MKLN1: variants seen among roughly 807,000 people sequenced by gnomAD.
MKLN1 encodes the protein muskelin 1.
In MKLN1, 18 loss-of-function variants were observed where a neutral mutation model predicts 99.0. That is an observed-to-expected ratio of 0.18 (90% CI 0.13 to 0.27). MKLN1 has a LOEUF of 0.27. Among genes scored for constraint, MKLN1 ranks in the 10% least tolerant of loss-of-function variants. The pLI, the probability that MKLN1 is intolerant of heterozygous loss-of-function variation, is 1.00. For missense variants in MKLN1, 621 were observed against 875.9 expected, an observed-to-expected ratio of 0.71 and a Z score of 3.67; for synonymous variants, 288 against 293.2, an observed-to-expected ratio of 0.98 and a Z score of 0.18.
At chr7:131,137,041 C>CG (rs955387118) in intron 1 of MKLN1, among the ~76,000 whole-genome samples, 2 of 152,112 alleles carry the variant, frequency 1.3e-5, no homozygotes, top group Non-Finnish European at 2.9e-5. Flanking sequence ...CACCCAGCTA[C>CG]GGGGTCTCCC....
chr7:131,175,440 C>G (rs1374015349), intron 2 of MKLN1, among the ~76,000 whole-genome samples: 1 of 152,174 alleles, frequency 6.6e-6, no homozygotes, highest in African/African-American at 2.4e-5. Flanking sequence ...AATCCCACAA[C>G]ATTTTTTAAA....
chr7:131,464,447 T>C, intron 14 of MKLN1, 39 bp downstream of exon 14: 1 of 1,228,570 alleles, frequency 8.1e-7, no homozygotes, highest in South Asian at 1.3e-5. Context: ...TTCCATGGCC[T>C]ACTATCTGAA....
chr7:131,413,013 G>A (rs1280833813), intron 7 of MKLN1, among the ~76,000 whole-genome samples: 1 of 152,128 alleles, frequency 6.6e-6, no homozygotes, highest in Non-Finnish European at 1.5e-5. Flanking sequence ...TTGTGTATTT[G>A]CAAACTAATG....
intron 1 of MKLN1, among the ~76,000 whole-genome samples, chr7:131,369,098 C>T (rs1800268944): frequency 1.3e-5 from 2 of 151,870 alleles, no homozygotes; most frequent in African/African-American, 2.4e-5. Flanking sequence ...TAGTAGAAAT[C>T]CCTTTAAGTG....
At chr7:131,312,631 C>T (rs1798587143) in intron 3 of MKLN1, among the ~76,000 whole-genome samples, 1 of 152,006 alleles carries the variant, frequency 6.6e-6, no homozygotes, top group African/African-American at 2.4e-5. Context: ...ATTTACTATC[C>T]CCCTTATCAT....
intron 2 of MKLN1, among the ~76,000 whole-genome samples, chr7:131,200,524 T>C (rs774395049): frequency 2.0e-5 from 3 of 152,356 alleles, no homozygotes; most frequent in Non-Finnish European, 4.4e-5. Context: ...TGACTAATGC[T>C]AATACAAAAT....
intron 2 of MKLN1, among the ~76,000 whole-genome samples, chr7:131,195,405 G>A (rs1421148343): frequency 6.6e-6 from 1 of 151,962 alleles, no homozygotes; most frequent in Non-Finnish European, 1.5e-5. Context: ...CAGCTACTCA[G>A]GAGGCTGAGG....
chr7:131,396,551 G>T (rs891035344), intron 4 of MKLN1, among the ~76,000 whole-genome samples: 1 of 152,044 alleles, frequency 6.6e-6, no homozygotes, highest in Non-Finnish European at 1.5e-5. Context: ...TTCCCAGTAG[G>T]TTTAATTTTT....
At position 131,411,316 on chromosome 7, in the gene MKLN1, C is replaced by A; in HGVS notation, c.714C>A (p.Phe238Leu). Residue 238 changes from phenylalanine to leucine, a missense_variant, in exon 7 of 18, where the codon TTC (phenylalanine) becomes TTA (leucine). Coordinates refer to ENST00000352689, the MANE Select transcript of MKLN1 (RefSeq NM_013255.5). Reference protein sequence around the residue: ...LIEKAVNDGLFNQYISQQEYK... With the variant: ...LIEKAVNDGLLNQYISQQEYK... ...CTTCAATATTTGCAGATGGCTTGTT[C>A]AATCAGTATATCAGTCAACAGGAAT... 3 of 1,604,182 alleles carry A rather than the reference C, an allele frequency of 1.9e-6. No homozygotes were observed. Among genetic ancestry groups the A allele is most frequent in the South Asian group, 1.1e-5 (1 of 90,674 alleles).
At chr7:131,331,609 A>AC (rs1799077367) in intron 1 of MKLN1, among the ~76,000 whole-genome samples, 1 of 151,876 alleles carries the variant, frequency 6.6e-6, no homozygotes, top group Admixed American at 6.6e-5. Context: ...ACACAATGAG[A>AC]CCCCATCTGC....
At chr7:131,484,972 G>C (rs28374292) in intron 17 of MKLN1, among the ~76,000 whole-genome samples, 2,526 of 152,100 alleles carry the variant, frequency 0.017, 50 homozygotes, top group African/African-American at 0.055. Context: ...CTATAATAGT[G>C]TAAAACAATG....
chr7:131,476,571 G>A (rs574422534), intron 16 of MKLN1, among the ~76,000 whole-genome samples: 2 of 152,296 alleles, frequency 1.3e-5, no homozygotes, highest in African/African-American at 4.8e-5. Context: ...GGTAGAATGA[G>A]TCTGTTGTAA....
At chr7:131,318,551 A>G (rs530228901) in intron 3 of MKLN1, among the ~76,000 whole-genome samples, 3 of 152,340 alleles carry the variant, frequency 2.0e-5, no homozygotes, top group South Asian at 4.1e-4. Flanking sequence ...AGAACTAGAG[A>G]AGCAAGAGCA....
chr7:131,272,409 C>T (rs1436744034), intron 3 of MKLN1, among the ~76,000 whole-genome samples: 1 of 152,142 alleles, frequency 6.6e-6, no homozygotes, highest in East Asian at 1.9e-4. Context: ...GGAGGAAGTA[C>T]AAGTAGTCCA....
At chr7:131,272,178 C>A (rs892165856) in intron 3 of MKLN1, among the ~76,000 whole-genome samples, 1 of 152,150 alleles carries the variant, frequency 6.6e-6, no homozygotes, top group African/African-American at 2.4e-5. Context: ...AATAGAAGGA[C>A]CCTGGGTGGA....
chr7:131,292,404 C>T (rs1177217809), intron 3 of MKLN1, among the ~76,000 whole-genome samples: 1 of 152,056 alleles, frequency 6.6e-6, no homozygotes, highest in Non-Finnish European at 1.5e-5. Flanking sequence ...TATTAGGGCT[C>T]GAATCATGTC....
chr7:131,239,842 C>T (rs925654921), intron 3 of MKLN1, among the ~76,000 whole-genome samples: 1 of 151,524 alleles, frequency 6.6e-6, no homozygotes, highest in Non-Finnish European at 1.5e-5. Context: ...AAAAGAAAAC[C>T]TTTCTGTTGA....
intron 2 of MKLN1, among the ~76,000 whole-genome samples, chr7:131,191,242 A>C (rs1796536714): frequency 6.6e-6 from 1 of 152,230 alleles, no homozygotes; most frequent in Non-Finnish European, 1.5e-5. Context: ...GATAAAGTGG[A>C]TCTCTTGAGA....
intron 3 of MKLN1, among the ~76,000 whole-genome samples, chr7:131,205,251 C>T (rs954573909): frequency 6.6e-6 from 1 of 152,184 alleles, no homozygotes; most frequent in Admixed American, 6.5e-5. Context: ...TAGGATTTAA[C>T]AGTCTAATTG....
Sources: gnomAD v4.1 joint callset for allele counts (sites outside exome capture counted in the v4.1 genomes callset) on GRCh38, gnomAD v4.1.1 for gene constraint, MANE v1.5 for transcripts, NCBI Gene and HGNC (gene_info 2026-07-23, HGNC 2026-07-21) for gene names.